DSE: variants seen among roughly 807,000 people sequenced by gnomAD.
DSE encodes dermatan sulfate epimerase.
Under a neutral mutation model 84.4 loss-of-function variants are expected in DSE, and 36 were observed. The ratio of observed to expected loss-of-function variants is 0.43; its 90% CI spans 0.33 to 0.56. The LOEUF (loss-of-function observed/expected upper bound fraction) is 0.56. DSE is among the 20% of genes least tolerant of loss of function. The pLI, the probability that DSE is intolerant of heterozygous loss-of-function variation, is 0.06. For missense variants in DSE, 862 were observed against 1,169.6 expected (o/e 0.74, Z 3.84); for synonymous variants, 410 against 430.1 (o/e 0.95, Z 0.58).
intron 2 of DSE, among the ~76,000 whole-genome samples, chr6:116,290,870 G>A (rs190064048): frequency 6.6e-6 from 1 of 152,146 alleles, no homozygotes; most frequent in Non-Finnish European, 1.5e-5. Context: ...TGAAATTGTT[G>A]ATTGAATGCT....
chr6:116,382,876 C>T (rs1281705452), intron 1 of DSE, among the ~76,000 whole-genome samples: 1 of 152,104 alleles, frequency 6.6e-6, no homozygotes. Flanking sequence ...TTAGAAATAT[C>T]CCCAGAGTGA....
intron 2 of DSE, among the ~76,000 whole-genome samples, chr6:116,401,791 T>C (rs956300602): frequency 1.3e-5 from 2 of 152,186 alleles, no homozygotes; most frequent in Non-Finnish European, 2.9e-5. Context: ...ATTCTCACTA[T>C]GTACCAAGAA....
At chr6:116,398,305 A>C (rs905768012) in intron 1 of DSE, among the ~76,000 whole-genome samples, 1 of 152,192 alleles carries the variant, frequency 6.6e-6, no homozygotes, top group Non-Finnish European at 1.5e-5. Flanking sequence ...TAACCAGTGC[A>C]CAAATCTGCC....
intron 2 of DSE, among the ~76,000 whole-genome samples, chr6:116,426,308 T>A (rs778439844): frequency 2.3e-4 from 35 of 152,208 alleles, no homozygotes; most frequent in Non-Finnish European, 4.1e-4. Context: ...TTCTACTACT[T>A]CTTGTCATGA....
At chr6:116,417,821 C>G (rs1211587918) in intron 2 of DSE, among the ~76,000 whole-genome samples, 1 of 152,142 alleles carries the variant, frequency 6.6e-6, no homozygotes, top group Non-Finnish European at 1.5e-5. Context: ...AAAAGGAAAG[C>G]TCATTGTCCA....
intron 2 of DSE, among the ~76,000 whole-genome samples, chr6:116,301,385 A>G (rs1775031051): frequency 1.3e-5 from 2 of 152,290 alleles, no homozygotes; most frequent in African/African-American, 2.4e-5. Flanking sequence ...GATCCTCCCT[A>G]CAGCAGGGAG....
At chr6:116,278,831 T>C (rs761974478) in intron 2 of DSE, 1 of 1,614,178 alleles carries the variant, frequency 6.2e-7, no homozygotes, top group Admixed American at 1.7e-5. Context: ...ACAATCAGCT[T>C]GTTTCTGAAG....
chr6:116,336,022 G>A (rs541483417), intron 2 of DSE, among the ~76,000 whole-genome samples: 2 of 152,320 alleles, frequency 1.3e-5, no homozygotes, highest in African/African-American at 4.8e-5. Flanking sequence ...CCCATAAACT[G>A]TAACAGCACT....
At chr6:116,370,056 T>A, upstream of DSE, 1 of 925,548 alleles carries the variant, frequency 1.1e-6, no homozygotes, top group Non-Finnish European at 1.5e-6. Context: ...CACATCTCCT[T>A]GGGGCCTGGT....
intron 2 of DSE, chr6:116,278,418 C>G (rs1445821592): frequency 6.5e-7 from 1 of 1,542,774 alleles, no homozygotes. Flanking sequence ...TCAGCAAAAA[C>G]AAAGCACAAT....
At chr6:116,432,001 A>G (rs1250184853) in intron 4 of DSE, among the ~76,000 whole-genome samples, 1 of 152,224 alleles carries the variant, frequency 6.6e-6, no homozygotes. Context: ...CTCTGGTAGT[A>G]TACATACAGA....
chr6:116,299,502 TTTTATATATATATATATATATA>T lies in DSE; in HGVS notation c.-54+40537_-54+40558del, dbSNP rs1435136540. 3.0e-3 allele frequency among the ~76,000 whole-genome samples: 143 copies of T among 47,534 alleles called. 12 individuals carry two copies. Among genetic ancestry groups the T allele is most frequent in the African/African-American group, 0.019 (130 of 6,978 alleles). 31.2% of individuals were successfully genotyped at this position (47,534 alleles called of 152,430 possible). On this transcript the variant is annotated intron_variant, in intron 2 of 3. Transcript: ENST00000430252. The stretch of plus-strand genomic sequence containing the variant: ...CATCCTGAAAGGCTTCTTGAATTAT[TTTTATATATATATATATATATA>T]TATATATATATATATATATATATAT...
At chr6:116,302,832 A>T (rs1775119132) in intron 2 of DSE, among the ~76,000 whole-genome samples, 1 of 152,196 alleles carries the variant, frequency 6.6e-6, no homozygotes, top group Non-Finnish European at 1.5e-5. Flanking sequence ...GGTGTAAGGA[A>T]GGGGTCCAGT....
intron 2 of DSE, among the ~76,000 whole-genome samples, chr6:116,328,229 T>G (rs773745152): frequency 2.6e-5 from 4 of 152,246 alleles, no homozygotes; most frequent in Admixed American, 6.5e-5. Context: ...GGGGAGAGTC[T>G]GATTGTGAAA....
chr6:116,347,055 A>G (rs905552295), intron 2 of DSE, among the ~76,000 whole-genome samples: 20 of 152,320 alleles, frequency 1.3e-4, no homozygotes, highest in African/African-American at 4.3e-4. Flanking sequence ...TAGGAATCCA[A>G]CTTACAAGGG....
intron 1 of DSE, among the ~76,000 whole-genome samples, chr6:116,387,255 C>T (rs1343945374): frequency 6.6e-6 from 1 of 151,820 alleles, no homozygotes; most frequent in Non-Finnish European, 1.5e-5. Context: ...GGAATAGTCT[C>T]AGGAATCTGT....
chr6:116,440,632 A>G lies in DSE; in HGVS notation c.*3287A>G, dbSNP rs968549339. ...GATTAAAATGAATATAGTCATAGGT[A>G]TGAGGGGCATGTAATTTATCTTCCG... On this transcript the variant is annotated 3_prime_UTR_variant, in exon 6 of 6. Transcript: ENST00000644252. 4 of 152,250 alleles carry G rather than the reference A, an allele frequency of 2.6e-5. No individual in the cohort carries two copies. The highest frequency in any genetic ancestry group is 6.5e-5 in the Admixed American group (1 of 15,280). The allele number at this position is 152,250 out of a possible 1,614,324, so 9.4% of individuals were successfully genotyped here. A position where few individuals can be genotyped will look rare whatever the true frequency, so the allele number is the denominator to read the frequency against.
At chr6:116,359,706 A>G (rs1288057408) in intron 2 of DSE, among the ~76,000 whole-genome samples, 1 of 152,234 alleles carries the variant, frequency 6.6e-6, no homozygotes, top group Non-Finnish European at 1.5e-5. Context: ...AGGACAGGTA[A>G]TATGGTTAAG....
In DSE at chr6:116,352,015, CT is replaced by C. The variant is rs1778338190; in HGVS notation, c.-53-47180del. 3.3e-5 allele frequency among the ~76,000 whole-genome samples: 5 copies of C among 152,232 alleles called. 1 individual carries two copies. In the South Asian group the frequency reaches 1.0e-3, roughly 32 times the overall value. ...GGAAATTTAAATCCCGATATTAAAT[CT>C]TTATTAATTTGTGTAACCTCCTTGG... On this transcript the variant is annotated intron_variant, in intron 2 of 3. Transcript: ENST00000430252.
Sources: allele counts gnomAD v4.1 joint callset (sites outside exome capture counted in the v4.1 genomes callset), GRCh38; gene constraint gnomAD v4.1.1; transcripts MANE v1.5; gene names NCBI Gene and HGNC (gene_info 2026-07-23, HGNC 2026-07-21).